Variants in EFL1 observed in about 807,000 individuals in gnomAD.
The protein encoded by EFL1 is elongation factor-like GTPase 1.
EFL1 carries 76 observed loss-of-function variants against 126.7 expected under a neutral mutation model. The observed-to-expected ratio is 0.60, with a 90% CI of 0.50 to 0.73. EFL1 has a LOEUF of 0.73. Among genes scored for constraint, EFL1 ranks in the 30% least tolerant of loss-of-function variants. The pLI is 0.00. For missense variants in EFL1, 1,128 were observed against 1,343.2 expected (o/e 0.84, Z 2.50); for synonymous variants, 410 against 448.4 (o/e 0.91, Z 1.08).
chr15:82,201,674 A>AT (rs1260981327), intron 15 of EFL1, among the ~76,000 whole-genome samples: 1 of 138,636 alleles, frequency 7.2e-6, no homozygotes, highest in Non-Finnish European at 1.5e-5. Flanking sequence ...ACATATGCCC[A>AT]TTTTTATAGT....
chr15:82,247,410 C>T (rs1012597024), intron 4 of EFL1, among the ~76,000 whole-genome samples: 29 of 151,966 alleles, frequency 1.9e-4, no homozygotes, highest in Admixed American at 1.4e-3. Flanking sequence ...ATTATGAGTC[C>T]GGGTGCCAAA....
At chr15:82,214,658 T>A in intron 15 of EFL1, 59 bp downstream of exon 15, 1 of 1,353,800 alleles carries the variant, frequency 7.4e-7, no homozygotes, top group Non-Finnish European at 1.0e-6. Context: ...AAATTTTCAG[T>A]GACATGTTAG....
At chr15:82,165,006 G>A (rs533228825) in intron 15 of EFL1, among the ~76,000 whole-genome samples, 4 of 152,098 alleles carry the variant, frequency 2.6e-5, no homozygotes, top group Non-Finnish European at 4.4e-5. Flanking sequence ...GGCCAGTGCA[G>A]TGGCTCATGC....
In EFL1 at chr15:82,135,122, C is replaced by T. The variant is rs192098488; in HGVS notation, c.3174+3536G>A. Among the ~76,000 whole-genome samples, 141 of 152,164 alleles carry T rather than the reference C, an allele frequency of 9.3e-4. 1 individual carries two copies. Among genetic ancestry groups the T allele is most frequent in the African/African-American group, 2.9e-3 (120 of 41,504 alleles). On this transcript the variant is annotated intron_variant, in intron 19 of 19. Transcript: ENST00000268206. ...TTTGAAGCTTTTGGGAACAGGACCA[C>T]GACAGGTGGCAAGGACATGGCAGAA...
At chr15:82,224,689 A>C (rs1372427603) in intron 12 of EFL1, among the ~76,000 whole-genome samples, 3 of 152,190 alleles carry the variant, frequency 2.0e-5, no homozygotes. Flanking sequence ...CACACATAAA[A>C]AACAGGAAAT....
Sources: allele counts gnomAD v4.1 joint callset (sites outside exome capture counted in the v4.1 genomes callset), GRCh38; gene constraint gnomAD v4.1.1; transcripts MANE v1.5; gene names NCBI Gene and HGNC (gene_info 2026-07-23, HGNC 2026-07-21).